The following SCN4A variants were observed in gnomAD, a reference collection of about 807,000 sequenced individuals.
SCN4A encodes sodium channel protein type 4 subunit alpha.
Under a neutral mutation model 162.0 loss-of-function variants are expected in SCN4A, and 83 were observed. The observed-to-expected ratio is 0.51, with a 90% CI of 0.43 to 0.61. SCN4A has a LOEUF of 0.61. SCN4A is among the 20% of genes least tolerant of loss of function. The probability of loss-of-function intolerance (pLI) is 0.00; values close to 1 mark genes in which losing one functional copy is unlikely to be tolerated. For missense variants in SCN4A, 2,196 were observed against 2,462.5 expected, an observed-to-expected ratio of 0.89 and a Z score of 2.29; for synonymous variants, 944 against 985.1, an observed-to-expected ratio of 0.96 and a Z score of 0.78.
rs552220198 is a variant in SCN4A, at chr17:63,939,198, C to T, written c.*1573G>A. 8 of 152,792 alleles carry T rather than the reference C, an allele frequency of 5.2e-5. No individual in the cohort carries two copies. The South Asian group carries it at 1.0e-3, about 20-fold the overall frequency. 9.5% of individuals were successfully genotyped at this position (152,792 alleles called of 1,614,324 possible). On this transcript the variant is annotated 3_prime_UTR_variant, in exon 24 of 24. Transcript: ENST00000435607. ...GAGAAACAAGAAGAAAAAGAAGAGG[C>T]ACTTAGGCCAACAGAATGCCCTGAG...
At chr17:63,946,307 G>A (rs890198263) in intron 18 of SCN4A, among the ~76,000 whole-genome samples, 27 of 152,268 alleles carry the variant, frequency 1.8e-4, no homozygotes, top group Middle Eastern at 3.4e-3. Flanking sequence ...GCTCTGGGGG[G>A]TCAGAGGGCC....
In SCN4A at chr17:63,951,635, T is replaced by C; in HGVS notation, c.2642A>G (p.Glu881Gly). ...GETAPEDEKK[E>G]PPEEDLKKDN... ...CTTCTTCAGGTCCTCCTCGGGCGGC[T>C]CCTTCTTCTCATCCTCGGGGGCAGT... Residue 881 changes from glutamate to glycine, a missense_variant, in exon 14 of 24, where the codon GAG becomes GGG. Glu to Gly is a moderately conservative substitution (Grantham distance 98). Coordinates refer to ENST00000435607, the MANE Select transcript of SCN4A (RefSeq NM_000334.4). This position sits in a 1 kb window ranked among gnomAD's most constrained non-coding sequence, Gnocchi z 4.5. The C allele has an allele frequency of 1.2e-6, 2 of 1,611,982 alleles. No homozygotes were observed. The highest frequency in any genetic ancestry group is 1.3e-5 in the African/African-American group (1 of 74,992).
intron 18 of SCN4A, among the ~76,000 whole-genome samples, chr17:63,946,357 G>C (rs532439661): frequency 6.6e-6 from 1 of 152,124 alleles, no homozygotes; most frequent in African/African-American, 2.4e-5. Context: ...GGAAGGGGCC[G>C]CTTGGGGGGG....
chr17:63,952,898 G>A (rs1365950934), intron 13 of SCN4A, among the ~76,000 whole-genome samples: 2 of 152,194 alleles, frequency 1.3e-5, no homozygotes, highest in East Asian at 3.8e-4. Context: ...GGTTTGGGTG[G>A]CAGCAGAGAC....
At chr17:63,971,503 G>T (rs1312712144) in intron 4 of SCN4A, among the ~76,000 whole-genome samples, 1 of 152,162 alleles carries the variant, frequency 6.6e-6, no homozygotes, top group Non-Finnish European at 1.5e-5. Context: ...GGACCCATGG[G>T]TCTGTGGGTC....
chr17:63,967,936 A>G, intron 6 of SCN4A, 87 bp downstream of exon 6: 1 of 1,090,158 alleles, frequency 9.2e-7, no homozygotes, highest in Non-Finnish European at 1.3e-6. Context: ...TCCATCTCAA[A>G]AAAAAAAAAA....
chr17:63,943,594 C>T (rs1667797868), intron 22 of SCN4A, among the ~76,000 whole-genome samples, 152 bp downstream of exon 22: 1 of 152,204 alleles, frequency 6.6e-6, no homozygotes, highest in Middle Eastern at 3.4e-3. Context: ...TCCCTCCCTG[C>T]AGGTAGACCA....
In SCN4A at chr17:63,961,538, C is replaced by A; in HGVS notation, c.1607-107G>T. ...CTTCCAAGCCCCGCCCCTTAGCACT[C>A]CACATCTCAACCCTCTAGCAAGGCC... On this transcript the variant is annotated intron_variant, in intron 10 of 23. Transcript: ENST00000435607. The A allele has an allele frequency of 3.8e-6, 3 of 791,374 alleles. 1 individual carries two copies. The highest frequency in any genetic ancestry group is 3.1e-5 in the South Asian group (2 of 65,528). The allele number at this position is 791,374 out of a possible 1,614,324, so 49.0% of individuals were successfully genotyped here. A position where few individuals can be genotyped will look rare whatever the true frequency, so the allele number is the denominator to read the frequency against.
In SCN4A at chr17:63,941,634, G is replaced by T; in HGVS notation, c.4648C>A (p.Pro1550Thr). The T allele has an allele frequency of 1.9e-6, 3 of 1,614,024 alleles. No individual in the cohort carries two copies. The highest frequency in any genetic ancestry group is 2.5e-6 in the Non-Finnish European group (3 of 1,179,940). The part of the protein sequence containing the change: ...GLLNPILNSG[P>T]PDCDPNLENP... ...TCCAGGTTGGGGTCACAGTCTGGGG[G>T]CCCGCTGTTGAGGATGGGGTTGAGG... The change falls in exon 24 of 24, where the codon CCC becomes ACC. Residue 1550 changes from proline to threonine, a missense_variant. By Grantham distance (38) the Pro-to-Thr change is conservative. Transcript: ENST00000435607. The surrounding 1 kb of genome is among the most constrained non-coding windows in gnomAD (Gnocchi z 6.2).
At position 63,945,003 on chromosome 17, in the gene SCN4A, T is replaced by C; in HGVS notation, c.3774+4A>G. 6.2e-7 allele frequency: 1 copy of C among 1,613,706 alleles called. No individual in the cohort carries two copies. Among genetic ancestry groups the C allele is most frequent in the African/African-American group, 1.3e-5 (1 of 75,004 alleles). ...CCAGCCACATCTCAGCGACCCCGAC[T>C]CACCTCCCGGGAGTCCACGGCTGCA... On this transcript the variant is annotated splice_donor_region_variant and intron_variant, in intron 20 of 23. Transcript: ENST00000435607. The surrounding 1 kb of genome is among the most constrained non-coding windows in gnomAD (Gnocchi z 4.4).
rs766802452 is a variant in SCN4A at position 63,941,451 on chromosome 17, G to T, written c.4831C>A (p.Pro1611Thr). 1.9e-6 allele frequency: 3 copies of T among 1,614,142 alleles called. No homozygotes were observed. Among genetic ancestry groups the T allele is most frequent in the African/African-American group, 1.3e-5 (1 of 75,046 alleles). The stretch of plus-strand genomic sequence containing the variant: ...ATCTCAAAGTCATCTTCACCAAGGG[G>T]CTCGCTGCTCTCCTCTGTGGCCACA... ...FNVATEESSE[P>T]LGEDDFEMFY... Residue 1611 changes from proline (P) to threonine (T), a missense_variant, in exon 24 of 24, where the codon CCC becomes ACC. Pro to Thr is a conservative substitution (Grantham distance 38, BLOSUM62 -1). Transcript: ENST00000435607. The surrounding 1 kb of genome is among the most constrained non-coding windows in gnomAD (Gnocchi z 6.2).
chr17:63,947,437 G>A (rs907064294), intron 17 of SCN4A, among the ~76,000 whole-genome samples: 1 of 152,158 alleles, frequency 6.6e-6, no homozygotes, highest in African/African-American at 2.4e-5. Flanking sequence ...AGGCCTGTGA[G>A]CCCATCTAAG....
At position 63,969,840 on chromosome 17, in the gene SCN4A, A is replaced by G. The variant is rs369254082; in HGVS notation, c.703+1322T>C. Reference sequence around the variant, plus strand: ...GTATTTTGAGTAGAGACGGGGTTTCACCACGTTGGCCAGGCTGGTCTCAGA... The same window carrying G: ...GTATTTTGAGTAGAGACGGGGTTTCGCCACGTTGGCCAGGCTGGTCTCAGA... On this transcript the variant is annotated intron_variant, in intron 5 of 23. Coordinates refer to ENST00000435607, the MANE Select transcript of SCN4A (RefSeq NM_000334.4). Among the ~76,000 whole-genome samples the G allele has an allele frequency of 9.2e-5, 14 of 151,928 alleles. No individual in the cohort carries two copies. In the East Asian group the frequency reaches 2.3e-3, roughly 25 times the overall value.
intron 13 of SCN4A, among the ~76,000 whole-genome samples, chr17:63,956,091 C>T (rs1203838465): frequency 6.6e-6 from 1 of 152,232 alleles, no homozygotes; most frequent in Non-Finnish European, 1.5e-5. Flanking sequence ...CGCAGAAATG[C>T]TGGCCAGCTG....
chr17:63,941,155 G>A lies in SCN4A; in HGVS notation c.5127C>T (p.Asn1709=). Residue 1709 remains asparagine, a synonymous_variant, in exon 24 of 24, where the codon AAC becomes AAT. Transcript: ENST00000435607. The surrounding 1 kb of genome is among the most constrained non-coding windows in gnomAD (Gnocchi z 6.2). ...QTMEEKFMAA[N]PSKVSYEPIT... ...TGGGCTCGTAGGACACCTTGGAGGG[G>A]TTGGCTGCCATGAACTTCTCCTCCA... 1.2e-6 allele frequency: 2 copies of A among 1,613,916 alleles called. No homozygotes were observed. Among genetic ancestry groups the A allele is most frequent in the Non-Finnish European group, 8.5e-7 (1 of 1,179,860 alleles).
chr17:63,943,451 G>A (rs1373689031), intron 22 of SCN4A, among the ~76,000 whole-genome samples: 1 of 152,104 alleles, frequency 6.6e-6, no homozygotes, highest in African/African-American at 2.4e-5. Flanking sequence ...TGCCCCAGGG[G>A]CCACTGGGGT....
In SCN4A at chr17:63,945,284, G is replaced by A; in HGVS notation, c.3720+76C>T. 1 of 1,281,548 alleles carries A rather than the reference G, an allele frequency of 7.8e-7. No individual in the cohort carries two copies. Among genetic ancestry groups the A allele is most frequent in the South Asian group, 1.3e-5 (1 of 74,108 alleles). The allele number at this position is 1,281,548 out of a possible 1,614,324, so 79.4% of individuals were successfully genotyped here. On this transcript the variant is annotated intron_variant, in intron 19 of 23. Transcript: ENST00000435607. The surrounding 1 kb of genome is among the most constrained non-coding windows in gnomAD (Gnocchi z 4.4). The stretch of plus-strand genomic sequence containing the variant: ...TCCCCTAACCAGGAGTGACACTGGG[G>A]TTGGGTACAACGAGAGGACCGGGGT...
At position 63,966,117 on chromosome 17, in the gene SCN4A, C is replaced by A; in HGVS notation, c.1227G>T (p.Glu409Asp). ...GCAGCTGTACCAGCTGGAAGAGGTTCTCCCAATAGTCCTGTGTCATGAGGC... is the reference window on the plus strand; with the variant it reads ...GCAGCTGTACCAGCTGGAAGAGGTTATCCCAATAGTCCTGTGTCATGAGGC... ...LFRLMTQDYW[E>D]NLFQLTLRAA... The change falls in exon 8 of 24, where the codon GAG becomes GAT. Residue 409 changes from glutamate (E) to aspartate (D), a missense_variant. Coordinates refer to ENST00000435607, the MANE Select transcript of SCN4A (RefSeq NM_000334.4). 5 of 1,584,608 alleles carry A rather than the reference C, an allele frequency of 3.2e-6. No homozygotes were observed. The highest frequency in any genetic ancestry group is 4.3e-6 in the Non-Finnish European group (5 of 1,165,388).
chr17:63,953,458 T>C (rs556537484), intron 13 of SCN4A, among the ~76,000 whole-genome samples: 1 of 151,496 alleles, frequency 6.6e-6, no homozygotes, highest in East Asian at 1.9e-4. Flanking sequence ...TGTTATTATG[T>C]TTGAAATAAT....
Sources: gnomAD v4.1 joint callset for allele counts (sites outside exome capture counted in the v4.1 genomes callset) on GRCh38, gnomAD v4.1.1 for gene constraint, Gnocchi (gnomAD v3.1) non-coding constraint, MANE v1.5 for transcripts, NCBI Gene and HGNC (gene_info 2026-07-23, HGNC 2026-07-21) for gene names.